CNTN4: variants seen among roughly 807,000 people sequenced by gnomAD.
The protein encoded by CNTN4 is contactin-4.
Under a neutral mutation model 122.5 loss-of-function variants are expected in CNTN4, and 77 were observed. That is an observed-to-expected ratio of 0.63 (90% CI 0.52 to 0.76). CNTN4 has a LOEUF of 0.76. CNTN4 is among the 30% of genes least tolerant of loss of function. The pLI is 0.00. For synonymous variants in CNTN4, 512 were observed against 447.0 expected (o/e 1.15, Z -1.83); for missense variants, 1,256 against 1,259.1 (o/e 1.00, Z 0.04).
At chr3:2,694,546 A>G (rs2085916825) in intron 4 of CNTN4, among the ~76,000 whole-genome samples, 1 of 152,176 alleles carries the variant, frequency 6.6e-6, no homozygotes, top group Non-Finnish European at 1.5e-5. Context: ...CCTGGCAAAC[A>G]TAACAAAGCC....
chr3:2,418,934 G>C (rs890395260), intron 3 of CNTN4, among the ~76,000 whole-genome samples: 2 of 152,084 alleles, frequency 1.3e-5, no homozygotes, highest in Non-Finnish European at 2.9e-5. Flanking sequence ...GATGAAAAAA[G>C]CTTTGGATCT....
intron 14 of CNTN4, among the ~76,000 whole-genome samples, chr3:3,024,571 A>G (rs1300100487): frequency 6.6e-6 from 1 of 152,018 alleles, no homozygotes; most frequent in African/African-American, 2.4e-5. Flanking sequence ...GACATCACTC[A>G]TTTAACAGTG....
intron 3 of CNTN4, among the ~76,000 whole-genome samples, chr3:2,474,701 C>G (rs770918075): frequency 5.3e-5 from 8 of 152,086 alleles, no homozygotes; most frequent in Admixed American, 3.9e-4. Context: ...GTTAGAAACC[C>G]ATTATTTAAT....
At chr3:2,853,645 C>A (rs2093583647) in intron 7 of CNTN4, among the ~76,000 whole-genome samples, 1 of 152,188 alleles carries the variant, frequency 6.6e-6, no homozygotes, top group Admixed American at 6.5e-5. Context: ...ACTTCTCTGC[C>A]TGTCAGTTCT....
intron 3 of CNTN4, among the ~76,000 whole-genome samples, chr3:2,495,467 C>T (rs993153450): frequency 1.3e-5 from 2 of 152,276 alleles, no homozygotes; most frequent in Middle Eastern, 3.4e-3. Context: ...GGTGGACACA[C>T]TACACTTTTA....
intron 14 of CNTN4, among the ~76,000 whole-genome samples, chr3:3,021,818 G>T (rs756486255): frequency 6.6e-6 from 1 of 152,150 alleles, no homozygotes; most frequent in South Asian, 2.1e-4. Context: ...GGCGGCTCAC[G>T]CCTGTAATCC....
At chr3:2,911,866 C>G (rs937560155) in intron 12 of CNTN4, among the ~76,000 whole-genome samples, 1 of 152,032 alleles carries the variant, frequency 6.6e-6, no homozygotes, top group Non-Finnish European at 1.5e-5. Context: ...AATTCAAAGA[C>G]AGAACATTAG....
chr3:2,762,198 GT>G (rs1009730455), intron 6 of CNTN4, among the ~76,000 whole-genome samples: 14 of 152,150 alleles, frequency 9.2e-5, no homozygotes, highest in African/African-American at 3.4e-4. Flanking sequence ...TAAAAGTAGT[GT>G]TTGTATATAA....
Position 2,709,232 on chromosome 3 carries a change from A to T in CNTN4, c.56-26983A>T, listed in dbSNP as rs1576528410. Among the ~76,000 whole-genome samples, 1 of 152,238 alleles carries T rather than the reference A, an allele frequency of 6.6e-6. No homozygotes were observed. The highest frequency in any genetic ancestry group is 1.5e-5 in the Non-Finnish European group (1 of 68,044). On this transcript the variant is annotated intron_variant, in intron 4 of 24. Coordinates refer to ENST00000418658, the MANE Select transcript of CNTN4 (RefSeq NM_175607.3). The surrounding 1 kb of genome is among the most constrained non-coding windows in gnomAD (Gnocchi z 5.0). The stretch of plus-strand genomic sequence containing the variant: ...AAAAATAACTATTTCTTTTAGAATA[A>T]AGAATGTATTTATAGTTTTGTTTTG...
At chr3:2,421,932 A>G (rs1048355463) in intron 3 of CNTN4, among the ~76,000 whole-genome samples, 2 of 152,050 alleles carry the variant, frequency 1.3e-5, no homozygotes, top group Non-Finnish European at 2.9e-5. Flanking sequence ...GAGAATTTGT[A>G]CTTTTCCCTT....
At chr3:2,358,159 AAAAG>A (rs2044952890) in intron 3 of CNTN4, among the ~76,000 whole-genome samples, 1 of 152,204 alleles carries the variant, frequency 6.6e-6, no homozygotes, top group Non-Finnish European at 1.5e-5. Context: ...ACTTGACAAA[AAAAG>A]GATACAATAT....
intron 3 of CNTN4, among the ~76,000 whole-genome samples, chr3:2,497,733 C>G (rs78676727): frequency 0.013 from 2,044 of 152,270 alleles, 18 homozygotes; most frequent in Non-Finnish European, 0.018. Context: ...TTTTTATTCT[C>G]TCTTATGACT....
At chr3:2,925,554 A>G in intron 12 of CNTN4, 75 bp from the exon 13 acceptor site, 3 of 1,498,350 alleles carry the variant, frequency 2.0e-6, no homozygotes, top group South Asian at 1.2e-5. Context: ...CAAAAAAGAA[A>G]GAAAGAAAAA....
chr3:2,908,515 G>T (rs2094262483), intron 12 of CNTN4, among the ~76,000 whole-genome samples: 1 of 152,154 alleles, frequency 6.6e-6, no homozygotes. Context: ...CAAGGATGGG[G>T]TCTTAGGTAA....
chr3:2,921,194 C>G (rs747678843), intron 12 of CNTN4, among the ~76,000 whole-genome samples: 8 of 152,202 alleles, frequency 5.3e-5, no homozygotes, highest in Non-Finnish European at 1.5e-5. Flanking sequence ...TTCACCACTA[C>G]ACCTGGCTAA....
intron 6 of CNTN4, among the ~76,000 whole-genome samples, chr3:2,813,550 T>A (rs532119952): frequency 2.8e-4 from 43 of 152,328 alleles, no homozygotes; most frequent in African/African-American, 9.4e-4. Context: ...CATTAACCTT[T>A]CCTGGCCATT....
chr3:2,984,871 G>A (rs905645769), intron 13 of CNTN4, among the ~76,000 whole-genome samples: 4 of 152,168 alleles, frequency 2.6e-5, no homozygotes, highest in African/African-American at 9.7e-5. Context: ...ATTCTCATAT[G>A]CCAGTGTTTC....
chr3:2,220,997 A>G lies in CNTN4; in HGVS notation c.-144-118181A>G, dbSNP rs1354794925. Among the ~76,000 whole-genome samples the G allele has an allele frequency of 3.3e-5, 5 of 152,108 alleles. No homozygotes were observed. The East Asian group carries it at 5.8e-4, about 18-fold the overall frequency. ...AATACTTCATCTCAAGCCAGAATGT[A>G]AGATTCGGACTGGGGCCATCAAATA... On this transcript the variant is annotated intron_variant, in intron 2 of 24. Transcript: ENST00000418658.
intron 12 of CNTN4, among the ~76,000 whole-genome samples, chr3:2,918,030 G>A (rs77594120): frequency 2.4e-4 from 37 of 152,268 alleles, no homozygotes; most frequent in East Asian, 2.3e-3. Flanking sequence ...AGTGTAAGGC[G>A]TGTTGCTTTT....
Sources: gnomAD v4.1 joint callset for allele counts (sites outside exome capture counted in the v4.1 genomes callset) on GRCh38, gnomAD v4.1.1 for gene constraint, Gnocchi (gnomAD v3.1) non-coding constraint, MANE v1.5 for transcripts, NCBI Gene and HGNC (gene_info 2026-07-23, HGNC 2026-07-21) for gene names.